AGBL1: variants seen among roughly 807,000 people sequenced by gnomAD.
The protein encoded by AGBL1 is AGBL carboxypeptidase 1.
In AGBL1, 130 loss-of-function variants were observed where a neutral mutation model predicts 118.9. That is an observed-to-expected ratio of 1.09 (90% CI 0.95 to 1.26). AGBL1 has a LOEUF of 1.26. Among genes scored for constraint, AGBL1 ranks in the 50% most tolerant of loss-of-function variants. The probability of loss-of-function intolerance (pLI) is 0.00; values close to 1 mark genes in which losing one functional copy is unlikely to be tolerated. For missense variants in AGBL1, 1,584 were observed against 1,298.1 expected, an observed-to-expected ratio of 1.22 and a Z score of -3.38; for synonymous variants, 555 against 478.9, an observed-to-expected ratio of 1.16 and a Z score of -2.08.
At chr15:86,975,015 A>T (rs1055239961) in intron 23 of AGBL1, among the ~76,000 whole-genome samples, 1 of 151,800 alleles carries the variant, frequency 6.6e-6, no homozygotes, top group Non-Finnish European at 1.5e-5. Flanking sequence ...GTTTTGGGGA[A>T]CTCCTGGTAT....
intron 17 of AGBL1, among the ~76,000 whole-genome samples, chr15:86,343,919 T>C (rs16976014): frequency 0.016 from 2,476 of 152,258 alleles, 68 homozygotes; most frequent in African/African-American, 0.057. Flanking sequence ...CTTCCTCAAA[T>C]GGTGAATAAT....
chr15:86,655,089 CTA>C (rs1358852278), intron 21 of AGBL1, among the ~76,000 whole-genome samples: 1 of 152,168 alleles, frequency 6.6e-6, no homozygotes, highest in Non-Finnish European at 1.5e-5. Context: ...AGAGCCTACT[CTA>C]TCCATTGGCA....
intron 23 of AGBL1, among the ~76,000 whole-genome samples, chr15:86,960,320 A>G (rs914605524): frequency 6.6e-6 from 1 of 152,054 alleles, no homozygotes; most frequent in Non-Finnish European, 1.5e-5. Context: ...TGTACAACTT[A>G]TGCTCATATC....
intron 22 of AGBL1, among the ~76,000 whole-genome samples, chr15:86,686,689 G>T (rs1216969645): frequency 6.6e-6 from 1 of 151,948 alleles, no homozygotes; most frequent in Admixed American, 6.6e-5. Context: ...TGCCTGCCTT[G>T]GCCTCCCAAA....
At chr15:87,030,749 A>G (rs1228254277), downstream of AGBL1, among the ~76,000 whole-genome samples, 1 of 151,972 alleles carries the variant, frequency 6.6e-6, no homozygotes, top group Non-Finnish European at 1.5e-5. Flanking sequence ...CTACTTCCTT[A>G]TGAATAAAAT....
chr15:86,794,182 G>T (rs1235036110), intron 22 of AGBL1, among the ~76,000 whole-genome samples: 1 of 152,176 alleles, frequency 6.6e-6, no homozygotes, highest in East Asian at 1.9e-4. Flanking sequence ...CAATAGCCAA[G>T]CAGTGAAAAC....
chr15:86,843,714 AT>A (rs1310013690), intron 22 of AGBL1, among the ~76,000 whole-genome samples: 1 of 152,044 alleles, frequency 6.6e-6, no homozygotes, highest in African/African-American at 2.4e-5. Flanking sequence ...TATACTGAAG[AT>A]TTTTTTTAGC....
At chr15:86,880,688 T>A (rs1010614534) in intron 22 of AGBL1, among the ~76,000 whole-genome samples, 2 of 152,118 alleles carry the variant, frequency 1.3e-5, no homozygotes, top group Admixed American at 6.6e-5. Context: ...TGTGAGTGTG[T>A]ACATGTGTGC....
intron 24 of AGBL1, among the ~76,000 whole-genome samples, chr15:87,012,299 A>T (rs993069551): frequency 6.6e-6 from 1 of 151,880 alleles, no homozygotes; most frequent in Non-Finnish European, 1.5e-5. Context: ...GTAGTAACAT[A>T]AAGCTAATTC....
At chr15:87,007,508 C>G (rs2081517102) in intron 24 of AGBL1, among the ~76,000 whole-genome samples, 1 of 152,072 alleles carries the variant, frequency 6.6e-6, no homozygotes, top group Non-Finnish European at 1.5e-5. Context: ...AAACAACATA[C>G]TTTTTCTTGA....
At chr15:87,011,942 A>C (rs2081564413) in intron 24 of AGBL1, among the ~76,000 whole-genome samples, 1 of 152,162 alleles carries the variant, frequency 6.6e-6, no homozygotes, top group African/African-American at 2.4e-5. Flanking sequence ...ACAAGCTGGT[A>C]CATATTCCGT....
chr15:86,236,743 A>G (rs2078549842), intron 6 of AGBL1, among the ~76,000 whole-genome samples: 1 of 151,854 alleles, frequency 6.6e-6, no homozygotes, highest in South Asian at 2.1e-4. Context: ...CGAGAGAGGA[A>G]ACCAGAGTGC....
chr15:86,781,979 C>A (rs113600946), intron 22 of AGBL1, among the ~76,000 whole-genome samples: 1 of 151,852 alleles, frequency 6.6e-6, no homozygotes, highest in African/African-American at 2.4e-5. Context: ...CCCTCTTAAT[C>A]ACAATTTATA....
chr15:86,903,957 G>A (rs1193142106), intron 22 of AGBL1, among the ~76,000 whole-genome samples: 2 of 136,024 alleles, frequency 1.5e-5, no homozygotes, highest in African/African-American at 5.7e-5. Context: ...ACCCAGTGGG[G>A]ATAAAAGTCT....
In AGBL1 at chr15:86,908,958, G is replaced by C. The variant is rs1311160493; in HGVS notation, c.*1664G>C. ...ACCAGTCCTAGTGTCATGGCTGCAT[G>C]GTGTCAGAGACCTGGCTTCTGCAGT... On this transcript the variant is annotated 3_prime_UTR_variant, in exon 23 of 23. Coordinates refer to ENST00000614907, the MANE Select transcript of AGBL1 (RefSeq NM_001386094.1). 6.6e-6 allele frequency: 1 copy of C among 152,204 alleles called. No homozygotes were observed. The highest frequency in any genetic ancestry group is 1.5e-5 in the Non-Finnish European group (1 of 68,054). 9.4% of individuals were successfully genotyped at this position (152,204 alleles called of 1,614,324 possible). A position where few individuals can be genotyped will look rare whatever the true frequency, so the allele number is the denominator to read the frequency against.
intron 22 of AGBL1, among the ~76,000 whole-genome samples, chr15:86,847,044 TCTA>T (rs1257828253): frequency 2.6e-5 from 4 of 152,230 alleles, no homozygotes; most frequent in Non-Finnish European, 5.9e-5. Context: ...ACATTTTAAT[TCTA>T]CTATTGAGTT....
chr15:86,757,777 G>T lies in AGBL1; in HGVS notation c.3158+83341G>T, dbSNP rs1477931070. Reference sequence around the variant, plus strand: ...TTGCTGGCCCATTATGCCTCTCTAAGCGGATTTGTAGTTTCTAGCCTTGAA... The same window carrying T: ...TTGCTGGCCCATTATGCCTCTCTAATCGGATTTGTAGTTTCTAGCCTTGAA... On this transcript the variant is annotated intron_variant, in intron 22 of 22. Coordinates refer to ENST00000614907, the MANE Select transcript of AGBL1 (RefSeq NM_001386094.1). 2.0e-5 allele frequency among the ~76,000 whole-genome samples: 3 copies of T among 152,094 alleles called. No individual in the cohort carries two copies. The East Asian group carries it at 5.8e-4, about 29-fold the overall frequency.
At chr15:86,328,256 A>G (rs2080215989) in intron 17 of AGBL1, among the ~76,000 whole-genome samples, 1 of 152,216 alleles carries the variant, frequency 6.6e-6, no homozygotes, top group Admixed American at 6.5e-5. Flanking sequence ...CAGGATCAAA[A>G]TAACCTAACT....
intron 18 of AGBL1, among the ~76,000 whole-genome samples, chr15:86,452,687 C>A (rs1188740028): frequency 6.6e-6 from 1 of 152,160 alleles, no homozygotes; most frequent in African/African-American, 2.4e-5. Flanking sequence ...TAAACACCAA[C>A]GTTCTTACTG....
Sources: gnomAD v4.1 joint callset for allele counts (sites outside exome capture counted in the v4.1 genomes callset) on GRCh38, gnomAD v4.1.1 for gene constraint, MANE v1.5 for transcripts, NCBI Gene and HGNC (gene_info 2026-07-23, HGNC 2026-07-21) for gene names.